Variants in ASPSCR1 observed in about 807,000 individuals in gnomAD.
ASPSCR1 encodes the protein ASPSCR1 tether for SLC2A4, UBX domain containing.
Under a neutral mutation model 68.9 loss-of-function variants are expected in ASPSCR1, and 55 were observed. That is an observed-to-expected ratio of 0.80 (90% CI 0.64 to 1.00). The LOEUF (loss-of-function observed/expected upper bound fraction) is 1.00. Ranked by LOEUF, ASPSCR1 falls within the 50% of genes least tolerant of loss-of-function variation. The pLI is 0.00. For synonymous variants in ASPSCR1, 352 were observed against 332.6 expected (o/e 1.06, Z -0.63); for missense variants, 765 against 762.2 (o/e 1.00, Z -0.04).
At position 82,012,293 on chromosome 17, in the gene ASPSCR1, G is replaced by C; in HGVS notation, c.1353+10G>C. The C allele has an allele frequency of 6.2e-7, 1 of 1,612,884 alleles. No individual in the cohort carries two copies. The highest frequency in any genetic ancestry group is 8.5e-7 in the Non-Finnish European group (1 of 1,179,618). ...GCAGACCCTCTTTCAGGTACCTGAG[G>C]GCCTCCCTGGGGTGCTGCGGGGCGG... On this transcript the variant is annotated intron_variant, in intron 12 of 15. Coordinates refer to ENST00000306739, the MANE Select transcript of ASPSCR1 (RefSeq NM_024083.4).
chr17:82,001,412 G>A (rs1321778946), intron 7 of ASPSCR1, among the ~76,000 whole-genome samples: 2 of 152,184 alleles, frequency 1.3e-5, no homozygotes, highest in African/African-American at 4.8e-5. Flanking sequence ...GGGTGTCTGA[G>A]GACAACCCTG....
chr17:81,998,086 C>CA (rs1164134204), intron 7 of ASPSCR1, among the ~76,000 whole-genome samples: 2 of 152,040 alleles, frequency 1.3e-5, no homozygotes, highest in Non-Finnish European at 2.9e-5. Flanking sequence ...CTCAGCCTCC[C>CA]AAAGTGCTGG....
At position 81,994,874 on chromosome 17, in the gene ASPSCR1, A is replaced by T. The variant is rs1219608180; in HGVS notation, c.428A>T (p.Asp143Val). 1.2e-6 allele frequency: 2 copies of T among 1,611,868 alleles called. No homozygotes were observed. The highest frequency in any genetic ancestry group is 3.3e-5 in the Admixed American group (2 of 59,830). Residue 143 changes from aspartate to valine, a missense_variant, in exon 5 of 16, where the codon GAT becomes GTT. Transcript: ENST00000306739. ...ACCCCAGTCTGCGTGTACACGAGGG[A>T]TGAGGTAGGCGGCCTGCTCTTGCTC... ...GATPVCVYTR[D>V]EVTGEAALRG...
chr17:82,002,332 C>T, intron 7 of ASPSCR1, among the ~76,000 whole-genome samples: 1 of 151,138 alleles, frequency 6.6e-6, no homozygotes, highest in Non-Finnish European at 1.5e-5. Context: ...GATCTCGGCT[C>T]ACTGCAACCT....
intron 7 of ASPSCR1, among the ~76,000 whole-genome samples, chr17:82,003,356 G>C (rs1310744256): frequency 1.3e-5 from 2 of 152,340 alleles, no homozygotes; most frequent in African/African-American, 4.8e-5. Context: ...GCTGAGACGG[G>C]AGGATTGCCT....
In ASPSCR1 at chr17:82,017,346, C is replaced by T. The variant is rs367750451; in HGVS notation, c.*24C>T. ...GAGAGCTGCCAGCCTGAGGTGCCCA[C>T]TCCGCCAGCCACAGGACCACCTCCT... On this transcript the variant is annotated 3_prime_UTR_variant, in exon 16 of 16. Coordinates refer to ENST00000306739, the MANE Select transcript of ASPSCR1 (RefSeq NM_024083.4). The T allele has an allele frequency of 1.9e-6, 3 of 1,610,612 alleles. No individual in the cohort carries two copies. The African/African-American group carries it at 4.0e-5, about 21-fold the overall frequency.
chr17:82,003,181 C>G (rs1052377479), intron 7 of ASPSCR1, among the ~76,000 whole-genome samples: 3 of 152,224 alleles, frequency 2.0e-5, no homozygotes, highest in African/African-American at 7.2e-5. Flanking sequence ...TACAGTGGCT[C>G]GCACCTATAA....
rs565603963 is a variant in ASPSCR1 at position 81,981,761 on chromosome 17, C to T, written c.159-1793C>T. The stretch of plus-strand genomic sequence containing the variant: ...TCAGCTCACCGCAACCTCTGCCTCC[C>T]GGGTTCAAGCGATTATTGTGCCTCA... On this transcript the variant is annotated intron_variant, in intron 2 of 15. Transcript: ENST00000306739. Among the ~76,000 whole-genome samples, 3 of 152,298 alleles carry T rather than the reference C, an allele frequency of 2.0e-5. 1 individual carries two copies. The highest frequency in any genetic ancestry group is 3.9e-4 in the East Asian group (2 of 5,186).
At chr17:82,012,104 G>A (rs943098454) in intron 11 of ASPSCR1, 127 bp from the exon 12 acceptor site, 55 of 1,129,100 alleles carry the variant, frequency 4.9e-5, no homozygotes, top group Non-Finnish European at 4.6e-5. Flanking sequence ...GGCACAGGGC[G>A]TGCTCGTGAG....
intron 11 of ASPSCR1, 138 bp downstream of exon 11, chr17:82,011,743 C>T (rs1032512067): frequency 3.2e-6 from 3 of 934,492 alleles, no homozygotes; most frequent in African/African-American, 3.4e-5. Flanking sequence ...CCAGGTGCCT[C>T]CTGCAGCCCA....
chr17:81,996,826 C>G lies in ASPSCR1; in HGVS notation c.913C>G (p.Gln305Glu). 6.2e-7 allele frequency: 1 copy of G among 1,601,934 alleles called. No homozygotes were observed. Among genetic ancestry groups the G allele is most frequent in the Non-Finnish European group, 8.5e-7 (1 of 1,175,496 alleles). Residue 305 changes from glutamine to glutamate, a missense_variant, in exon 7 of 16, where the codon CAG (glutamine) becomes GAG (glutamate). Transcript: ENST00000306739. Reference sequence around the variant, plus strand: ...GCAGGAGCGGGAGCGGGATCCCCAGCAGGAGCAGGAGCGGGAGCGGGTAAA... The same window carrying G: ...GCAGGAGCGGGAGCGGGATCCCCAGGAGGAGCAGGAGCGGGAGCGGGTAAA... ...QEQERERDPQQEQERERPVDR... is the reference protein window; with the variant it reads ...QEQERERDPQEEQERERPVDR...
At chr17:82,011,522 T>C in intron 10 of ASPSCR1, 21 bp from the exon 11 acceptor site, 5 of 1,573,880 alleles carry the variant, frequency 3.2e-6, no homozygotes, top group African/African-American at 1.4e-5. Context: ...GCTGTCTGTA[T>C]GTTCTTTTTC....
chr17:81,993,086 A>T (rs1424232092), intron 4 of ASPSCR1, among the ~76,000 whole-genome samples: 1 of 152,106 alleles, frequency 6.6e-6, no homozygotes, highest in Non-Finnish European at 1.5e-5. Context: ...AAAACACGTC[A>T]AACCCACACA....
chr17:81,998,901 G>C (rs2042440741), intron 7 of ASPSCR1, among the ~76,000 whole-genome samples: 1 of 152,242 alleles, frequency 6.6e-6, no homozygotes, highest in Non-Finnish European at 1.5e-5. Flanking sequence ...GCCAGGTGCT[G>C]ACCTCCGAGC....
chr17:82,003,541 C>T (rs1401712083), intron 7 of ASPSCR1, among the ~76,000 whole-genome samples: 3 of 152,214 alleles, frequency 2.0e-5, no homozygotes, highest in Admixed American at 1.3e-4. Flanking sequence ...AGCATCGGTG[C>T]GGATGCTGTG....
chr17:81,984,912 C>T (rs1371573541), intron 3 of ASPSCR1, among the ~76,000 whole-genome samples: 1 of 119,760 alleles, frequency 8.4e-6, no homozygotes, highest in African/African-American at 3.2e-5. Flanking sequence ...CACACCCCTA[C>T]AGCAACGTGC....
chr17:82,001,847 T>G (rs1188380552), intron 7 of ASPSCR1, among the ~76,000 whole-genome samples: 5 of 152,178 alleles, frequency 3.3e-5, no homozygotes, highest in African/African-American at 1.2e-4. Context: ...CAAACTGCTT[T>G]TCCTGCCTGT....
Position 81,977,956 on chromosome 17 carries a change from G to A in ASPSCR1, c.102+208G>A. ...TCCCGGGGGTCCCGAGTGGGGGCGG[G>A]GCGGTGGCGAGCCTTCCCAGGGGTG... On this transcript the variant is annotated intron_variant, in intron 1 of 15. Transcript: ENST00000306739. This position sits in a 1 kb window ranked among gnomAD's most constrained non-coding sequence, Gnocchi z 5.0. 1 of 317,756 alleles carries A rather than the reference G, an allele frequency of 3.1e-6. No homozygotes were observed. The highest frequency in any genetic ancestry group is 5.6e-6 in the Non-Finnish European group (1 of 177,828). The allele number at this position is 317,756 out of a possible 1,614,324, so 19.7% of individuals were successfully genotyped here.
At chr17:81,995,105 C>A in intron 5 of ASPSCR1, 1 of 539,080 alleles carries the variant, frequency 1.9e-6, no homozygotes, top group Non-Finnish European at 3.3e-6. Context: ...TCTCAAAGCC[C>A]AAGAGTCACA....
Sources: allele counts gnomAD v4.1 joint callset (sites outside exome capture counted in the v4.1 genomes callset), GRCh38; gene constraint gnomAD v4.1.1; non-coding constraint Gnocchi (gnomAD v3.1); transcripts MANE v1.5; gene names NCBI Gene and HGNC (gene_info 2026-07-23, HGNC 2026-07-21).